EPHA7: variants seen among roughly 807,000 people sequenced by gnomAD.
EPHA7 encodes ephrin type-A receptor 7.
Under a neutral mutation model 112.6 loss-of-function variants are expected in EPHA7, and 25 were observed. The observed-to-expected ratio is 0.22, with a 90% CI of 0.16 to 0.31. The LOEUF (loss-of-function observed/expected upper bound fraction) is 0.31. Ranked by LOEUF, EPHA7 falls within the 10% of genes least tolerant of loss-of-function variation. The pLI, the probability that EPHA7 is intolerant of heterozygous loss-of-function variation, is 1.00. For synonymous variants in EPHA7, 437 were observed against 406.5 expected (o/e 1.07, Z -0.90); for missense variants, 962 against 1,212.6 (o/e 0.79, Z 3.07).
In EPHA7 at chr6:93,244,979, G is replaced by A. The variant is rs374909503; in HGVS notation, c.2882+319C>T. 1.6e-4 allele frequency among the ~76,000 whole-genome samples: 24 copies of A among 152,246 alleles called. No homozygotes were observed. In the East Asian group the frequency reaches 4.1e-3, roughly 26 times the overall value. ...TGGTGTTTAGAACACCAGCTATGGA[G>A]CCAAATTAGTTATTACTTACTAGTT... On this transcript the variant is annotated intron_variant, in intron 16 of 16. Coordinates refer to ENST00000369303, the MANE Select transcript of EPHA7 (RefSeq NM_004440.4).
At chr6:93,279,729 T>C (rs1317711369) in intron 5 of EPHA7, among the ~76,000 whole-genome samples, 1 of 152,172 alleles carries the variant, frequency 6.6e-6, no homozygotes, top group Admixed American at 6.5e-5. Context: ...CAGATGTACA[T>C]CAACTACATC....
chr6:93,311,851 A>G (rs1315347049), intron 5 of EPHA7, among the ~76,000 whole-genome samples: 2 of 152,200 alleles, frequency 1.3e-5, no homozygotes, highest in East Asian at 3.9e-4. Context: ...GGGCTGCAGA[A>G]TAAATATCAT....
chr6:93,368,808 T>G (rs1463298340), intron 3 of EPHA7, among the ~76,000 whole-genome samples: 1 of 152,188 alleles, frequency 6.6e-6, no homozygotes, highest in Non-Finnish European at 1.5e-5. Flanking sequence ...GCAATCGTTC[T>G]AGCTGTTTGG....
chr6:93,368,381 T>C (rs1241823489), intron 3 of EPHA7, among the ~76,000 whole-genome samples: 1 of 152,056 alleles, frequency 6.6e-6, no homozygotes, highest in African/African-American at 2.4e-5. Context: ...GCAGGAAGTG[T>C]GCAGGGACAC....
intron 8 of EPHA7, among the ~76,000 whole-genome samples, 153 bp from the exon 9 acceptor site, chr6:93,264,068 T>C (rs1256595403): frequency 1.3e-5 from 2 of 151,464 alleles, no homozygotes; most frequent in Non-Finnish European, 3.0e-5. Context: ...CGATTCACGA[T>C]TAAAATTGCA....
chr6:93,293,794 T>C (rs898064378), intron 5 of EPHA7, among the ~76,000 whole-genome samples: 4 of 152,098 alleles, frequency 2.6e-5, no homozygotes, highest in Admixed American at 2.6e-4. Context: ...TCTGGAAAAA[T>C]GTTATATGTT....
At position 93,414,700 on chromosome 6, in the gene EPHA7, T is replaced by C; in HGVS notation, c.162+3A>G. 1 of 1,610,666 alleles carries C rather than the reference T, an allele frequency of 6.2e-7. No homozygotes were observed. The highest frequency in any genetic ancestry group is 8.5e-7 in the Non-Finnish European group (1 of 1,177,558). On this transcript the variant is annotated splice_donor_region_variant and intron_variant, in intron 2 of 16. Transcript: ENST00000369303. ...GTGATATTTTATGATGAAAAAAACT[T>C]ACCCCATTGGGTGGAGAGGAAATCC...
At chr6:93,393,834 CCT>C (rs914610306) in intron 3 of EPHA7, among the ~76,000 whole-genome samples, 1 of 151,740 alleles carries the variant, frequency 6.6e-6, no homozygotes, top group African/African-American at 2.4e-5. Context: ...ATATTTTTCC[CCT>C]CTTTTATGGA....
At position 93,410,111 on chromosome 6, in the gene EPHA7, CCAGACAA is replaced by C; in HGVS notation, c.832+383_832+389del. On this transcript the variant is annotated intron_variant, in intron 3 of 16. Coordinates refer to ENST00000369303, the MANE Select transcript of EPHA7 (RefSeq NM_004440.4). This position sits in a 1 kb window ranked among gnomAD's most constrained non-coding sequence, Gnocchi z 4.0. ...CTCCTATTTACTGCTACTCAAGGGC[CCAGACAA>C]TATGGGTTTAAAAACAGGAGGAATG... 1 of 173,182 alleles carries C rather than the reference CCAGACAA, an allele frequency of 5.8e-6. No individual in the cohort carries two copies. The highest frequency in any genetic ancestry group is 1.3e-5 in the Non-Finnish European group (1 of 79,522). The allele number at this position is 173,182 out of a possible 1,614,324, so 10.7% of individuals were successfully genotyped here.
In EPHA7 at chr6:93,259,387, A is replaced by T. The variant is rs139211112; in HGVS notation, c.1891T>A (p.Ser631Thr). 5.1e-5 allele frequency: 83 copies of T among 1,612,082 alleles called. No individual in the cohort carries two copies. The highest frequency in any genetic ancestry group is 6.4e-5 in the Non-Finnish European group (76 of 1,178,600). The change falls in exon 10 of 17, where the codon TCC becomes ACC. Residue 631 changes from serine (S) to threonine (T), a missense_variant. Around this residue, in one of 3 missense-constraint regions of EPHA7, gnomAD observed 746 missense variants for 889.2 expected, o/e 0.84. Coordinates refer to ENST00000369303, the MANE Select transcript of EPHA7 (RefSeq NM_004440.4). Reference sequence around the variant, plus strand: ...ATCACACGCTCAATTTTAATACAGGAGGCATCTAGCTCCTTGGCGAATTGA... The same window carrying T: ...ATCACACGCTCAATTTTAATACAGGTGGCATCTAGCTCCTTGGCGAATTGA... ...VHQFAKELDA[S>T]CIKIERVIGA...
chr6:93,272,627 G>C (rs1350552080), intron 5 of EPHA7, among the ~76,000 whole-genome samples: 1 of 151,852 alleles, frequency 6.6e-6, no homozygotes, highest in Non-Finnish European at 1.5e-5. Context: ...TTAAATTAAA[G>C]TGCAAACAGC....
chr6:93,242,386 T>C lies in EPHA7; in HGVS notation c.*1040A>G. ...AATATAAAACAATTATTTCCTTTCA[T>C]GTTTGGACTGCATTCAACAGAAGAG... On this transcript the variant is annotated 3_prime_UTR_variant, in exon 17 of 17. Transcript: ENST00000369303. 5.1e-6 allele frequency: 1 copy of C among 196,862 alleles called. No individual in the cohort carries two copies. Among genetic ancestry groups the C allele is most frequent in the Non-Finnish European group, 1.1e-5 (1 of 94,556 alleles). 12.2% of individuals were successfully genotyped at this position (196,862 alleles called of 1,614,324 possible).
At chr6:93,246,672 A>C (rs1769965765) in intron 15 of EPHA7, 120 bp downstream of exon 15, 2 of 758,204 alleles carry the variant, frequency 2.6e-6, no homozygotes, top group South Asian at 2.8e-5. Context: ...CAATACATTT[A>C]ATATGAGTTT....
At chr6:93,326,662 C>T (rs1014887643) in intron 5 of EPHA7, among the ~76,000 whole-genome samples, 1 of 151,414 alleles carries the variant, frequency 6.6e-6, no homozygotes, top group South Asian at 2.1e-4. Flanking sequence ...ATCCTGGGAT[C>T]CCATCATAGC....
intron 5 of EPHA7, among the ~76,000 whole-genome samples, chr6:93,335,352 G>A (rs192877912): frequency 2.8e-3 from 425 of 152,096 alleles, no homozygotes; most frequent in Non-Finnish European, 5.0e-3. Flanking sequence ...TACACTATCC[G>A]TGTAGGGTTG....
chr6:93,313,423 T>G (rs1773640186), intron 5 of EPHA7, among the ~76,000 whole-genome samples: 1 of 152,134 alleles, frequency 6.6e-6, no homozygotes, highest in African/African-American at 2.4e-5. Flanking sequence ...ATTTTCTTTC[T>G]TGTCTTTCTA....
chr6:93,243,282 T>A lies in EPHA7; in HGVS notation c.*144A>T. 1 of 549,696 alleles carries A rather than the reference T, an allele frequency of 1.8e-6. No individual in the cohort carries two copies. 34.1% of individuals were successfully genotyped at this position (549,696 alleles called of 1,614,324 possible). A position where few individuals can be genotyped will look rare whatever the true frequency, so the allele number is the denominator to read the frequency against. On this transcript the variant is annotated 3_prime_UTR_variant, in exon 17 of 17. Coordinates refer to ENST00000369303, the MANE Select transcript of EPHA7 (RefSeq NM_004440.4). Reference sequence around the variant, plus strand: ...TTCTGGTGGCACTTAGGAGTTCAAGTCTATAGGTGCTTCTTAAATCTTCTC... The same window carrying A: ...TTCTGGTGGCACTTAGGAGTTCAAGACTATAGGTGCTTCTTAAATCTTCTC...
chr6:93,310,974 T>G (rs143696523), intron 5 of EPHA7, among the ~76,000 whole-genome samples: 86 of 152,100 alleles, frequency 5.7e-4, no homozygotes, highest in Non-Finnish European at 1.0e-3. Flanking sequence ...GCTGTATTTT[T>G]TTTTGTTTTG....
intron 3 of EPHA7, among the ~76,000 whole-genome samples, chr6:93,374,454 T>C (rs1268446253): frequency 2.6e-5 from 4 of 152,352 alleles, no homozygotes; most frequent in Admixed American, 2.0e-4. Flanking sequence ...GTGTCAAATA[T>C]ATTACCTTTA....
Sources: allele counts gnomAD v4.1 joint callset (sites outside exome capture counted in the v4.1 genomes callset), GRCh38; gene constraint gnomAD v4.1.1; regional missense constraint gnomAD v4.1.1; non-coding constraint Gnocchi (gnomAD v3.1); transcripts MANE v1.5; gene names NCBI Gene and HGNC (gene_info 2026-07-23, HGNC 2026-07-21).